The following PARP15 variants were observed in gnomAD, a reference collection of about 807,000 sequenced individuals.
The protein encoded by PARP15 is poly(ADP-ribose) polymerase family member 15.
Under a neutral mutation model 62.1 loss-of-function variants are expected in PARP15, and 50 were observed. That is an observed-to-expected ratio of 0.81 (90% CI 0.64 to 1.02). The LOEUF (loss-of-function observed/expected upper bound fraction) is 1.02. Among genes scored for constraint, PARP15 ranks in the 50% least tolerant of loss-of-function variants. The pLI is 0.00. For synonymous variants in PARP15, 309 were observed against 293.1 expected, an observed-to-expected ratio of 1.05 and a Z score of -0.55; for missense variants, 820 against 826.5, an observed-to-expected ratio of 0.99 and a Z score of 0.10.
chr3:122,618,730 C>T, intron 6 of PARP15, among the ~76,000 whole-genome samples: 1 of 152,106 alleles, frequency 6.6e-6, no homozygotes. Flanking sequence ...AGATGAGGAG[C>T]TAGGCTGAAA....
chr3:122,589,669 A>G (rs776502563), intron 1 of PARP15, among the ~76,000 whole-genome samples: 1 of 152,002 alleles, frequency 6.6e-6, no homozygotes, highest in Non-Finnish European at 1.5e-5. Flanking sequence ...GGCCATTTGT[A>G]TATCTTCCTT....
Position 122,617,106 on chromosome 3 carries a change from C to T in PARP15, c.942C>T (p.Ala314=), listed in dbSNP as rs1234212443. Residue 314 remains alanine (A), a synonymous_variant, in exon 6 of 12, where the codon GCC becomes GCT. Transcript: ENST00000464300. ...ITFQVATGDI[A]TEQVDVIVNS... ...TTCAGGTTGCTACTGGAGATATAGC[C>T]ACTGAACAGGTAGATGTTATTGTAA... The T allele has an allele frequency of 6.2e-7, 1 of 1,613,988 alleles. No homozygotes were observed. The highest frequency in any genetic ancestry group is 8.5e-7 in the Non-Finnish European group (1 of 1,179,884).
chr3:122,630,980 T>C (rs1937028878), intron 9 of PARP15, among the ~76,000 whole-genome samples: 1 of 152,224 alleles, frequency 6.6e-6, no homozygotes, highest in Non-Finnish European at 1.5e-5. Context: ...TGATCTGTTC[T>C]TCTGATTCCA....
chr3:122,634,499 G>C (rs116466935), intron 10 of PARP15, among the ~76,000 whole-genome samples: 1 of 152,156 alleles, frequency 6.6e-6, no homozygotes, highest in African/African-American at 2.4e-5. Flanking sequence ...GGGATGGCTC[G>C]TGGTTTGAAA....
chr3:122,594,151 C>T (rs144322994), intron 1 of PARP15, among the ~76,000 whole-genome samples: 77 of 152,292 alleles, frequency 5.1e-4, no homozygotes, highest in African/African-American at 1.7e-3. Flanking sequence ...CTGCTATGTA[C>T]ATCCCCTCAA....
intron 8 of PARP15, among the ~76,000 whole-genome samples, chr3:122,622,824 A>G (rs897593332): frequency 6.6e-6 from 1 of 152,162 alleles, no homozygotes; most frequent in African/African-American, 2.4e-5. Context: ...ACTCTCATGG[A>G]AGTGAGGGCT....
intron 1 of PARP15, among the ~76,000 whole-genome samples, chr3:122,603,133 G>A (rs6804282): frequency 0.087 from 13,258 of 152,042 alleles, 1,605 homozygotes; most frequent in African/African-American, 0.27. Flanking sequence ...TTTGGCCACA[G>A]CCTTGTATCA....
In PARP15 at chr3:122,637,142, G is replaced by A. The variant is rs1289156951; in HGVS notation, c.*1042G>A. ...AGGATCATTGGGGGCCATCTTGGAA[G>A]CTGTGTGAATGAGCAAATGAATGCA... On this transcript the variant is annotated 3_prime_UTR_variant, in exon 12 of 12. Coordinates refer to ENST00000464300, the MANE Select transcript of PARP15 (RefSeq NM_001113523.3). 2.0e-5 allele frequency: 3 copies of A among 152,274 alleles called. No individual in the cohort carries two copies. The highest frequency in any genetic ancestry group is 7.2e-5 in the African/African-American group (3 of 41,452). The allele number at this position is 152,274 out of a possible 1,614,324, so 9.4% of individuals were successfully genotyped here. A position where few individuals can be genotyped will look rare whatever the true frequency, so the allele number is the denominator to read the frequency against.
chr3:122,628,061 T>A (rs4677967), intron 9 of PARP15, among the ~76,000 whole-genome samples: 1 of 152,094 alleles, frequency 6.6e-6, no homozygotes, highest in Non-Finnish European at 1.5e-5. Context: ...TCTCTCATTC[T>A]CTTCTCAGCT....
At chr3:122,610,130 G>A (rs528575116) in intron 2 of PARP15, among the ~76,000 whole-genome samples, 1 of 152,198 alleles carries the variant, frequency 6.6e-6, no homozygotes, top group African/African-American at 2.4e-5. Context: ...TTTTGTTTCT[G>A]TCTGTCTCTG....
chr3:122,601,575 A>G (rs1420461442), intron 1 of PARP15, among the ~76,000 whole-genome samples: 2 of 152,188 alleles, frequency 1.3e-5, no homozygotes, highest in Non-Finnish European at 2.9e-5. Context: ...AGTTTCTTCC[A>G]TGTCTTTCTG....
intron 1 of PARP15, among the ~76,000 whole-genome samples, chr3:122,592,284 T>C (rs2107478241): frequency 6.6e-6 from 1 of 152,332 alleles, no homozygotes; most frequent in Admixed American, 6.5e-5. Context: ...ATCATGTCCT[T>C]TGCAGGGACA....
Position 122,610,507 on chromosome 3 carries a change from T to A in PARP15, c.320T>A (p.Val107Asp). Residue 107 changes from valine (V) to aspartate (D), a missense_variant, in exon 3 of 12, where the codon GTC (valine) becomes GAC (aspartate). This residue lies in a region of PARP15 where 731 missense variants were observed against 727.7 expected (regional missense o/e 1.00). Coordinates refer to ENST00000464300, the MANE Select transcript of PARP15 (RefSeq NM_001113523.3). ...DVLYIWADVI[V>D]NSVPMNLQLG... ...ATTTTCGTTAAGGCCGATGTCATTG[T>A]CAACAGCGTTCCCATGAATCTTCAG... 1 of 1,551,430 alleles carries A rather than the reference T, an allele frequency of 6.4e-7. No individual in the cohort carries two copies. The highest frequency in any genetic ancestry group is 8.7e-7 in the Non-Finnish European group (1 of 1,146,918).
intron 1 of PARP15, among the ~76,000 whole-genome samples, chr3:122,599,259 T>C (rs531771293): frequency 6.6e-6 from 1 of 152,142 alleles, no homozygotes; most frequent in Admixed American, 6.5e-5. Flanking sequence ...TCCCATCTAC[T>C]TGGGAAGCCG....
intron 1 of PARP15, chr3:122,594,816 C>A (rs974354434): frequency 2.0e-6 from 2 of 981,818 alleles, no homozygotes; most frequent in Non-Finnish European, 2.4e-6. Context: ...TTCCTCAGAA[C>A]CTTTGGAACA....
At position 122,635,875 on chromosome 3, in the gene PARP15, C is replaced by A. The variant is rs1347820826; in HGVS notation, c.1812C>A (p.Tyr604Ter). The A allele has an allele frequency of 3.1e-6, 5 of 1,614,114 alleles. No homozygotes were observed. The highest frequency in any genetic ancestry group is 4.2e-6 in the Non-Finnish European group (5 of 1,180,004). ...VDASYSAKDT[Y>*]SKPDSNGRKH... The stretch of plus-strand genomic sequence containing the variant: ...CCAGTTATTCTGCCAAGGACACCTA[C>A]TCCAAGCCAGACAGCAATGGGAGAA... The change falls in exon 12 of 12, where the codon TAC becomes TAA. Residue 604 changes from tyrosine (Y) to a stop codon, truncating the protein, a stop_gained. Coordinates refer to ENST00000464300, the MANE Select transcript of PARP15 (RefSeq NM_001113523.3). LOFTEE classifies it low-confidence loss of function (END_TRUNC).
chr3:122,621,740 C>A, intron 8 of PARP15, 129 bp downstream of exon 8: 1 of 852,486 alleles, frequency 1.2e-6, no homozygotes, highest in South Asian at 3.2e-5. Context: ...AGAGAGGGAG[C>A]CATCTTTTAG....
chr3:122,588,489 C>T (rs1432139655), intron 1 of PARP15, among the ~76,000 whole-genome samples: 1 of 151,942 alleles, frequency 6.6e-6, no homozygotes, highest in African/African-American at 2.4e-5. Context: ...GAGTCCACTG[C>T]TATCTACTTT....
At chr3:122,580,026 T>A (rs1229703495) in intron 1 of PARP15, among the ~76,000 whole-genome samples, 1 of 135,968 alleles carries the variant, frequency 7.4e-6, no homozygotes, top group African/African-American at 2.7e-5. Flanking sequence ...TATATATATA[T>A]ATATATATAT....
Sources: allele counts gnomAD v4.1 joint callset (sites outside exome capture counted in the v4.1 genomes callset), GRCh38; gene constraint gnomAD v4.1.1; regional missense constraint gnomAD v4.1.1; transcripts MANE v1.5; gene names NCBI Gene and HGNC (gene_info 2026-07-23, HGNC 2026-07-21).